P2RX5: variants seen among roughly 807,000 people sequenced by gnomAD.
P2RX5 encodes the protein P2X purinoceptor 5.
In P2RX5, 46 loss-of-function variants were observed where a neutral mutation model predicts 54.1. The ratio of observed to expected loss-of-function variants is 0.85; its 90% CI spans 0.67 to 1.09. The LOEUF (loss-of-function observed/expected upper bound fraction) is 1.09, where lower values mean the gene tolerates loss of function less well. Among genes scored for constraint, P2RX5 ranks in the 50% least tolerant of loss-of-function variants. The probability of loss-of-function intolerance (pLI) is 0.00; values close to 1 mark genes in which losing one functional copy is unlikely to be tolerated. For missense variants in P2RX5, 566 were observed against 549.8 expected (o/e 1.03, Z -0.29); for synonymous variants, 226 against 226.4 (o/e 1.00, Z 0.02).
intron 11 of P2RX5, chr17:3,676,053 T>A (rs2050095668): frequency 1.0e-6 from 1 of 985,230 alleles, no homozygotes; most frequent in Non-Finnish European, 1.2e-6. Context: ...AGAGAACCCC[T>A]CCAAAGAGGA....
rs142863822 is a variant in P2RX5 at position 3,695,911 on chromosome 17, A to T, written c.95T>A (p.Leu32Gln). ...GATGGAGGCCTGCAGCAGCCGGTAC[A>T]GCAGGCCCACCTTCTTGTTCTTGGC... ...VIAKNKKVGL[L>Q]YRLLQASILA... The change falls in exon 1 of 12, where the codon CTG (leucine) becomes CAG (glutamine). Residue 32 changes from leucine to glutamine, a missense_variant. Transcript: ENST00000225328. 5.3e-3 allele frequency: 8,594 copies of T among 1,614,066 alleles called. 37 individuals are homozygous for T. Among genetic ancestry groups the T allele is most frequent in the Middle Eastern group, 0.016 (96 of 6,062 alleles).
At chr17:3,718,538 C>A in the P2RX5 span, among the ~76,000 whole-genome samples, 1 of 152,176 alleles carries the variant, frequency 6.6e-6, no homozygotes, top group South Asian at 2.1e-4. Flanking sequence ...TTTCTTGTGG[C>A]TGAAATGCAT....
chr17:3,689,397 G>A (rs1383689926), intron 7 of P2RX5, 95 bp downstream of exon 7: 14 of 1,432,742 alleles, frequency 9.8e-6, no homozygotes, highest in South Asian at 8.1e-5. Flanking sequence ...GGCCACCCTC[G>A]CCCCACGAGT....
At chr17:3,703,721 A>T in the P2RX5 span, among the ~76,000 whole-genome samples, 1 of 152,070 alleles carries the variant, frequency 6.6e-6, no homozygotes, top group African/African-American at 2.4e-5. Flanking sequence ...GGGTGAAATA[A>T]CACCTCCCCC....
chr17:3,723,163 G>T, the P2RX5 span: 7 of 709,582 alleles, frequency 9.9e-6, no homozygotes, highest in Non-Finnish European at 1.7e-5. Context: ...CAGAGGGTTG[G>T]TTTTTTGCAC....
At chr17:3,681,287 C>T (rs959248023) in intron 10 of P2RX5, among the ~76,000 whole-genome samples, 2 of 152,136 alleles carry the variant, frequency 1.3e-5, no homozygotes, top group Non-Finnish European at 2.9e-5. Context: ...AGGTGTCTGT[C>T]CCAATTCCCA....
intron 10 of P2RX5, among the ~76,000 whole-genome samples, chr17:3,680,078 T>A (rs2050204407): frequency 6.9e-6 from 1 of 145,790 alleles, no homozygotes; most frequent in Non-Finnish European, 1.5e-5. Context: ...CCACCTGGCT[T>A]CCTCCATCCT....
At chr17:3,698,710 C>T (rs557822611), upstream of P2RX5, among the ~76,000 whole-genome samples, 4 of 152,244 alleles carry the variant, frequency 2.6e-5, no homozygotes, top group South Asian at 2.1e-4. Flanking sequence ...GAACTCCCCA[C>T]GGCACAGCCA....
chr17:3,682,274 G>A, intron 9 of P2RX5: 1 of 436,452 alleles, frequency 2.3e-6, no homozygotes, highest in Non-Finnish European at 4.3e-6. Context: ...TGGGCACCCA[G>A]CACGTGCCAG....
chr17:3,699,874 AAAGG>A (rs771611154), upstream of P2RX5, among the ~76,000 whole-genome samples: 16 of 42,776 alleles, frequency 3.7e-4, no homozygotes, highest in African/African-American at 1.0e-3. Flanking sequence ...AGAAAGAAAG[AAAGG>A]AAGGAAGGAA....
the P2RX5 span, among the ~76,000 whole-genome samples, chr17:3,712,650 T>G: frequency 1.3e-5 from 2 of 152,178 alleles, no homozygotes; most frequent in Admixed American, 1.3e-4. Context: ...AAGAGTGATT[T>G]AAAAACAGTT....
upstream of P2RX5, among the ~76,000 whole-genome samples, chr17:3,701,169 G>A (rs529696184): frequency 1.3e-5 from 2 of 152,328 alleles, no homozygotes; most frequent in South Asian, 4.1e-4. Flanking sequence ...CACAAGGACG[G>A]CTTTGAATGT....
chr17:3,711,091 G>C, the P2RX5 span, among the ~76,000 whole-genome samples: 1 of 152,116 alleles, frequency 6.6e-6, no homozygotes, highest in Admixed American at 6.6e-5. Flanking sequence ...CCAGGCAGAG[G>C]GTGAAAAGGA....
chr17:3,711,902 C>G, the P2RX5 span, among the ~76,000 whole-genome samples: 8 of 151,510 alleles, frequency 5.3e-5, no homozygotes, highest in Non-Finnish European at 7.4e-5. Flanking sequence ...CCATGTCGCA[C>G]TTAAAAGTGT....
chr17:3,713,273 C>T, the P2RX5 span, among the ~76,000 whole-genome samples: 4 of 151,674 alleles, frequency 2.6e-5, no homozygotes, highest in African/African-American at 7.3e-5. Flanking sequence ...AGGCAGAGGA[C>T]GGCTTGAACC....
the P2RX5 span, among the ~76,000 whole-genome samples, chr17:3,712,697 A>G: frequency 6.6e-6 from 1 of 152,228 alleles, no homozygotes; most frequent in Admixed American, 6.5e-5. Context: ...CTGTAATCCC[A>G]GCACTTTGTG....
At chr17:3,696,565 C>T (rs1456911403), upstream of P2RX5, among the ~76,000 whole-genome samples, 2 of 152,302 alleles carry the variant, frequency 1.3e-5, no homozygotes, top group Admixed American at 6.5e-5. Context: ...AGCGATTCTC[C>T]TGCCTCAGCC....
chr17:3,682,391 C>G, intron 9 of P2RX5: 1 of 331,844 alleles, frequency 3.0e-6, no homozygotes, highest in Non-Finnish European at 5.9e-6. Context: ...TAGGACTTCA[C>G]TCAGCCTGGG....
chr17:3,721,572 T>A, the P2RX5 span: 2 of 151,982 alleles, frequency 1.3e-5, no homozygotes, highest in African/African-American at 4.8e-5. Context: ...GCCACCACAC[T>A]CACAATTCTT....
Sources: allele counts gnomAD v4.1 joint callset (sites outside exome capture counted in the v4.1 genomes callset), GRCh38; gene constraint gnomAD v4.1.1; transcripts MANE v1.5; gene names NCBI Gene and HGNC (gene_info 2026-07-23, HGNC 2026-07-21).